The following GBP7 variants were observed in gnomAD, a reference collection of about 807,000 sequenced individuals.
GBP7 encodes the protein guanylate binding protein 7.
A neutral mutation model predicts 61.3 loss-of-function variants in GBP7; 43 were observed. The ratio of observed to expected loss-of-function variants is 0.70; its 90% CI spans 0.55 to 0.91. GBP7 has a LOEUF of 0.91. Ranked by LOEUF, GBP7 falls within the 40% of genes least tolerant of loss-of-function variation. The pLI is 0.00. For missense variants in GBP7, 717 were observed against 740.5 expected (o/e 0.97, Z 0.37); for synonymous variants, 267 against 271.0 (o/e 0.99, Z 0.14).
chr1:89,135,082 A>T (rs1227963967), intron 9 of GBP7, among the ~76,000 whole-genome samples: 1 of 152,224 alleles, frequency 6.6e-6, no homozygotes, highest in Non-Finnish European at 1.5e-5. Flanking sequence ...GAATAGACCA[A>T]GATGAGGAAA....
At chr1:89,146,745 T>C (rs764572616) in intron 8 of GBP7, among the ~76,000 whole-genome samples, 1 of 152,024 alleles carries the variant, frequency 6.6e-6, no homozygotes, top group Non-Finnish European at 1.5e-5. Context: ...TAATGAGATA[T>C]CACCTCACAC....
chr1:89,145,597 C>T (rs1286073147), intron 8 of GBP7, among the ~76,000 whole-genome samples: 1 of 151,994 alleles, frequency 6.6e-6, no homozygotes, highest in African/African-American at 2.4e-5. Flanking sequence ...CAGAAGTCCA[C>T]CAATAGCTGT....
intron 1 of GBP7, 36 bp downstream of exon 1, chr1:89,175,885 T>C (rs957275691): frequency 1.3e-5 from 2 of 152,170 alleles, no homozygotes; most frequent in African/African-American, 4.8e-5. Flanking sequence ...AATGGATCCT[T>C]ATAAATCATG....
chr1:89,174,728 G>C (rs1647695201), intron 1 of GBP7, among the ~76,000 whole-genome samples: 1 of 152,192 alleles, frequency 6.6e-6, no homozygotes, highest in South Asian at 2.1e-4. Context: ...ATGCAAGCCT[G>C]ATAGCTCGCA....
intron 1 of GBP7, among the ~76,000 whole-genome samples, chr1:89,174,470 C>G (rs555237954): frequency 5.9e-5 from 9 of 152,272 alleles, no homozygotes; most frequent in African/African-American, 2.2e-4. Flanking sequence ...TTTTCACGTT[C>G]ACATTTAGAT....
chr1:89,137,201 G>T (rs10158415), intron 9 of GBP7, among the ~76,000 whole-genome samples: 112,361 of 151,888 alleles, frequency 0.74, 41,856 homozygotes, highest in African/African-American at 0.82. Flanking sequence ...ACCAGACAGA[G>T]TCATAGTCAG....
At position 89,140,267 on chromosome 1, in the gene GBP7, A is replaced by G. The variant is rs1387115200; in HGVS notation, c.1468+1279T>C. On this transcript the variant is annotated intron_variant, in intron 9 of 10. Transcript: ENST00000294671. ...AGAACACATGGACACAGGAACAGGA[A>G]CATCACACTCCGGGGACTGTTGTGG... 3.9e-5 allele frequency among the ~76,000 whole-genome samples: 5 copies of G among 128,246 alleles called. No homozygotes were observed. The East Asian group carries it at 7.3e-4, about 19-fold the overall frequency. The allele number at this position is 128,246 out of a possible 152,430, so 84.1% of individuals were successfully genotyped here. A position where few individuals can be genotyped will look rare whatever the true frequency, so the allele number is the denominator to read the frequency against.
Position 89,163,851 on chromosome 1 carries a change from T to G in GBP7, c.318+880A>C, listed in dbSNP as rs561877136. On this transcript the variant is annotated intron_variant, in intron 3 of 10. Transcript: ENST00000294671. The stretch of plus-strand genomic sequence containing the variant: ...GGTTTTCTTTTCTTTTTCTTTCTTT[T>G]TTTTTTGTTTTTTGTTTGTTTGTTT... Among the ~76,000 whole-genome samples the G allele has an allele frequency of 2.0e-5, 3 of 152,088 alleles. No homozygotes were observed. The South Asian group carries it at 6.2e-4, about 32-fold the overall frequency.
chr1:89,155,320 C>T (rs940812357), intron 3 of GBP7, among the ~76,000 whole-genome samples: 8 of 152,180 alleles, frequency 5.3e-5, no homozygotes, highest in African/African-American at 1.2e-4. Context: ...TGCAGCTCCT[C>T]GCCAGCAATG....
At position 89,132,129 on chromosome 1, in the gene GBP7, C is replaced by T; in HGVS notation, c.*20G>A. 1 of 1,582,408 alleles carries T rather than the reference C, an allele frequency of 6.3e-7. No homozygotes were observed. Among genetic ancestry groups the T allele is most frequent in the Admixed American group, 1.8e-5 (1 of 54,342 alleles). On this transcript the variant is annotated 3_prime_UTR_variant, in exon 11 of 11. Coordinates refer to ENST00000294671, the MANE Select transcript of GBP7 (RefSeq NM_207398.3). Reference sequence around the variant, plus strand: ...TTTTAAAATGAGCAACAGCGTTATACCATTTTAACAAAAGAAACCTCAGCT... The same window carrying T: ...TTTTAAAATGAGCAACAGCGTTATATCATTTTAACAAAAGAAACCTCAGCT...
At chr1:89,133,586 A>G (rs1301386876) in intron 9 of GBP7, 135 bp from the exon 10 acceptor site, 2 of 680,892 alleles carry the variant, frequency 2.9e-6, no homozygotes, top group Non-Finnish European at 5.0e-6. Context: ...GATAAACTCC[A>G]AGCAGGACTT....
At chr1:89,145,335 TA>T (rs1293279011) in intron 8 of GBP7, among the ~76,000 whole-genome samples, 1 of 152,222 alleles carries the variant, frequency 6.6e-6, no homozygotes, top group Non-Finnish European at 1.5e-5. Context: ...TCACTAAGCA[TA>T]ATGTCCTCCA....
intron 3 of GBP7, among the ~76,000 whole-genome samples, chr1:89,162,417 T>C (rs1013255489): frequency 2.0e-5 from 3 of 152,230 alleles, no homozygotes; most frequent in Non-Finnish European, 4.4e-5. Context: ...GAGGAAGGAA[T>C]GTTTTTCCAT....
At chr1:89,173,000 T>C (rs1430386252) in intron 1 of GBP7, among the ~76,000 whole-genome samples, 1 of 152,190 alleles carries the variant, frequency 6.6e-6, no homozygotes, top group East Asian at 1.9e-4. Flanking sequence ...CAATATTTGT[T>C]CTGTTACTCA....
At chr1:89,135,361 A>G (rs777361757) in intron 9 of GBP7, among the ~76,000 whole-genome samples, 2 of 152,144 alleles carry the variant, frequency 1.3e-5, no homozygotes, top group African/African-American at 4.8e-5. Flanking sequence ...GTGAGATCCT[A>G]TACAAGATGA....
intron 3 of GBP7, among the ~76,000 whole-genome samples, chr1:89,154,207 A>T (rs1682263995): frequency 6.6e-6 from 1 of 152,202 alleles, no homozygotes; most frequent in Non-Finnish European, 1.5e-5. Flanking sequence ...TGCCCATTAC[A>T]ATCTATTTCA....
intron 1 of GBP7, among the ~76,000 whole-genome samples, chr1:89,172,486 T>C (rs1647632325): frequency 6.6e-6 from 1 of 152,248 alleles, no homozygotes; most frequent in Non-Finnish European, 1.5e-5. Context: ...ATCCTTCAAT[T>C]TGGAGTTTTC....
At chr1:89,143,085 A>G (rs1557454379) in intron 8 of GBP7, among the ~76,000 whole-genome samples, 1 of 152,126 alleles carries the variant, frequency 6.6e-6, no homozygotes, top group East Asian at 1.9e-4. Context: ...TTTGTTTTTC[A>G]ATTTTAGCAA....
chr1:89,132,175 T>G lies in GBP7; in HGVS notation c.1891A>C (p.Asn631His). 1 of 1,607,894 alleles carries G rather than the reference T, an allele frequency of 6.2e-7. No individual in the cohort carries two copies. The highest frequency in any genetic ancestry group is 8.5e-7 in the Non-Finnish European group (1 of 1,178,020). ...CAGCTTATAATTTTCTTACCAGGAT[T>G]TCTCAGCCTATTACATAATGAGCTA... ...ILSSLCNRLR[N>H]PGKKIIS Residue 631 changes from asparagine (N) to histidine (H), a missense_variant, in exon 11 of 11, where the codon AAT (asparagine) becomes CAT (histidine). Asn to His is a moderately conservative substitution (Grantham distance 68). Coordinates refer to ENST00000294671, the MANE Select transcript of GBP7 (RefSeq NM_207398.3).
Sources: gnomAD v4.1 joint callset for allele counts (sites outside exome capture counted in the v4.1 genomes callset) on GRCh38, gnomAD v4.1.1 for gene constraint, MANE v1.5 for transcripts, NCBI Gene and HGNC (gene_info 2026-07-23, HGNC 2026-07-21) for gene names.